The following PTRH2 variants were observed in gnomAD, a reference collection of about 807,000 sequenced individuals.
PTRH2 encodes peptidyl-tRNA hydrolase 2, mitochondrial.
Under a neutral mutation model 12.3 loss-of-function variants are expected in PTRH2, and 10 were observed. That is an observed-to-expected ratio of 0.81 (90% CI 0.50 to 1.38). The LOEUF is 1.38. Ranked by LOEUF, PTRH2 falls within the 40% of genes most tolerant of loss-of-function variation. PTRH2 has a pLI of 0.00. For missense variants in PTRH2, 176 were observed against 214.1 expected (o/e 0.82, Z 1.11); for synonymous variants, 73 against 77.4 (o/e 0.94, Z 0.30).
intron 1 of PTRH2, chr17:59,698,613 G>C: frequency 2.2e-6 from 1 of 460,204 alleles, no homozygotes; most frequent in Admixed American, 3.9e-5. Context: ...ACTATGTACA[G>C]GTGCTCCTCA....
Position 59,697,920 on chromosome 17 carries a change from G to A in PTRH2, c.59C>T (p.Ala20Val). ...GCACATGCCACAAGCAACTCCAACA[G>A]CCAAGCCGAGTGTACTGGGATGAGC... ...YLAHPSTLGL[A>V]VGVACGMCLG... The change falls in exon 2 of 2, where the codon GCT (alanine) becomes GTT (valine). Residue 20 changes from alanine to valine, a missense_variant. Coordinates refer to ENST00000393038, the MANE Select transcript of PTRH2 (RefSeq NM_016077.5). 6.2e-7 allele frequency: 1 copy of A among 1,614,034 alleles called. No individual in the cohort carries two copies. The highest frequency in any genetic ancestry group is 8.5e-7 in the Non-Finnish European group (1 of 1,180,026).
At chr17:59,706,689 T>C (rs1384039442) in intron 1 of PTRH2, among the ~76,000 whole-genome samples, 2 of 125,840 alleles carry the variant, frequency 1.6e-5, no homozygotes, top group Admixed American at 7.9e-5. Flanking sequence ...TTTTTTTTTT[T>C]CTGAGACGAA....
chr17:59,697,318 A>T lies in PTRH2; in HGVS notation c.*121T>A. 1 of 1,185,338 alleles carries T rather than the reference A, an allele frequency of 8.4e-7. No homozygotes were observed. Among genetic ancestry groups the T allele is most frequent in the Non-Finnish European group, 1.2e-6 (1 of 852,794 alleles). The allele number at this position is 1,185,338 out of a possible 1,614,324, so 73.4% of individuals were successfully genotyped here. On this transcript the variant is annotated 3_prime_UTR_variant, in exon 2 of 2. Coordinates refer to ENST00000393038, the MANE Select transcript of PTRH2 (RefSeq NM_016077.5). ...CAACTGCCAACCATAGAACATGGGA[A>T]TAGGTTTTATTTTCATCTCAAGAAC...
chr17:59,698,075 C>A, intron 1 of PTRH2, 97 bp from the exon 2 acceptor site: 2 of 1,310,372 alleles, frequency 1.5e-6, no homozygotes, highest in South Asian at 1.5e-5. Flanking sequence ...ACTTAATGGT[C>A]ATCCAGAAAA....
At chr17:59,698,053 T>C (rs1472679044) in intron 1 of PTRH2, 75 bp from the exon 2 acceptor site, 1 of 1,427,606 alleles carries the variant, frequency 7.0e-7, no homozygotes, top group East Asian at 2.3e-5. Flanking sequence ...CAGAGAAACA[T>C]TTTGACTATA....
At chr17:59,702,160 G>T (rs1455096354) in intron 1 of PTRH2, among the ~76,000 whole-genome samples, 4 of 152,154 alleles carry the variant, frequency 2.6e-5, no homozygotes, top group Non-Finnish European at 5.9e-5. Flanking sequence ...GGCTATCTAT[G>T]TGCCAGCCAT....
intron 1 of PTRH2, 72 bp from the exon 2 acceptor site, chr17:59,698,050 A>G (rs2033480743): frequency 6.9e-7 from 1 of 1,441,120 alleles, no homozygotes; most frequent in Non-Finnish European, 9.4e-7. Flanking sequence ...TATCAGAGAA[A>G]CATTTTGACT....
chr17:59,699,132 G>T, intron 1 of PTRH2: 1 of 386,148 alleles, frequency 2.6e-6, no homozygotes. Context: ...TCTGTAGCAA[G>T]CAAGAGCATC....
intron 1 of PTRH2, chr17:59,698,739 C>A (rs1305056299): frequency 1.6e-6 from 1 of 625,308 alleles, no homozygotes; most frequent in East Asian, 2.8e-5. Flanking sequence ...CTTAAATGTG[C>A]TCAGAACACT....
intron 1 of PTRH2, chr17:59,699,157 G>T: frequency 5.3e-6 from 2 of 377,174 alleles, no homozygotes; most frequent in Non-Finnish European, 4.9e-6. Flanking sequence ...ATCTGCGCCT[G>T]TCAACTGTGG....
chr17:59,703,194 C>CT (rs554526416), intron 1 of PTRH2, among the ~76,000 whole-genome samples: 26 of 148,386 alleles, frequency 1.8e-4, no homozygotes, highest in African/African-American at 3.2e-4. Context: ...TAAAAAAAAA[C>CT]TTTTTTTTTT....
At chr17:59,706,864 G>T (rs981713647) in intron 1 of PTRH2, among the ~76,000 whole-genome samples, 8 of 151,776 alleles carry the variant, frequency 5.3e-5, no homozygotes, top group African/African-American at 1.9e-4. Flanking sequence ...GTATAGATGG[G>T]TTTTCGCCAT....
chr17:59,705,262 C>A (rs2033619211), intron 1 of PTRH2, among the ~76,000 whole-genome samples: 1 of 152,200 alleles, frequency 6.6e-6, no homozygotes, highest in Non-Finnish European at 1.5e-5. Flanking sequence ...GGAGAAGGAA[C>A]TGCTCTACAT....
Position 59,697,409 on chromosome 17 carries a change from T to C in PTRH2, c.*30A>G. 2 of 1,569,908 alleles carry C rather than the reference T, an allele frequency of 1.3e-6. No homozygotes were observed. The highest frequency in any genetic ancestry group is 1.7e-6 in the Non-Finnish European group (2 of 1,153,894). ...TCTGACAGGCTTCAAACACTTGTGATGGAGGGGTTGTTGTCATATCAAAGT... is the reference window on the plus strand; with the variant it reads ...TCTGACAGGCTTCAAACACTTGTGACGGAGGGGTTGTTGTCATATCAAAGT... On this transcript the variant is annotated 3_prime_UTR_variant, in exon 2 of 2. Coordinates refer to ENST00000393038, the MANE Select transcript of PTRH2 (RefSeq NM_016077.5).
rs923436182 is a variant in PTRH2, at chr17:59,703,805, C to T, written c.-1+3566G>A. Among the ~76,000 whole-genome samples, 7 of 149,914 alleles carry T rather than the reference C, an allele frequency of 4.7e-5. No homozygotes were observed. The East Asian group carries it at 9.9e-4, about 21-fold the overall frequency. On this transcript the variant is annotated intron_variant, in intron 1 of 1. Transcript: ENST00000393038. ...ACGGGCGTGAGCCACCATGCCCTGC[C>T]GAGCCCTTGTTCTTTTTTTTGGAGA...
rs189204924 is a variant in PTRH2, at chr17:59,705,008, G to A, written c.-1+2363C>T. Reference sequence around the variant, plus strand: ...TCACCATGTTGGCCAGGCTGGTCTCGAACTCCTGACCTCAAGTGATCTGCC... The same window carrying A: ...TCACCATGTTGGCCAGGCTGGTCTCAAACTCCTGACCTCAAGTGATCTGCC... On this transcript the variant is annotated intron_variant, in intron 1 of 1. Coordinates refer to ENST00000393038, the MANE Select transcript of PTRH2 (RefSeq NM_016077.5). 7.4e-3 allele frequency among the ~76,000 whole-genome samples: 1,120 copies of A among 152,170 alleles called. 1 individual carries two copies. Among genetic ancestry groups the A allele is most frequent in the Middle Eastern group, 0.017 (5 of 294 alleles).
rs557093317 is a variant in PTRH2, at chr17:59,697,890, C to T, written c.89G>A (p.Gly30Asp). Reference sequence around the variant, plus strand: ...CCCAAAGCATACTCGAAGGCTCCAGCCCAGGCACATGCCACAAGCAACTCC... The same window carrying T: ...CCCAAAGCATACTCGAAGGCTCCAGTCCAGGCACATGCCACAAGCAACTCC... ...AVGVACGMCL[G>D]WSLRVCFGML... The change falls in exon 2 of 2, where the codon GGC becomes GAC. Residue 30 changes from glycine (G) to aspartate (D), a missense_variant. Gly to Asp is a moderately conservative substitution (Grantham distance 94). Transcript: ENST00000393038. 4.0e-5 allele frequency: 64 copies of T among 1,614,154 alleles called. No individual in the cohort carries two copies. The African/African-American group carries it at 7.1e-4, about 18-fold the overall frequency.
chr17:59,698,167 T>G (rs2033483721), intron 1 of PTRH2, 189 bp from the exon 2 acceptor site: 1 of 603,822 alleles, frequency 1.7e-6, no homozygotes, highest in Admixed American at 3.0e-5. Context: ...TAGAAAAGAT[T>G]CAAGCATCCA....
At chr17:59,698,069 A>G in intron 1 of PTRH2, 91 bp from the exon 2 acceptor site, 1 of 1,331,844 alleles carries the variant, frequency 7.5e-7, no homozygotes, top group Non-Finnish European at 1.0e-6. Flanking sequence ...CTATACACTT[A>G]ATGGTCATCC....
Sources: allele counts gnomAD v4.1 joint callset (sites outside exome capture counted in the v4.1 genomes callset), GRCh38; gene constraint gnomAD v4.1.1; transcripts MANE v1.5; gene names NCBI Gene and HGNC (gene_info 2026-07-23, HGNC 2026-07-21).